MYO1A: variants seen among roughly 807,000 people sequenced by gnomAD.
MYO1A encodes unconventional myosin-Ia.
MYO1A carries 127 observed loss-of-function variants against 138.5 expected under a neutral mutation model. That is an observed-to-expected ratio of 0.92 (90% CI 0.79 to 1.06). The LOEUF (loss-of-function observed/expected upper bound fraction) is 1.06. Ranked by LOEUF, MYO1A falls within the 50% of genes least tolerant of loss-of-function variation. The pLI is 0.00. For missense variants in MYO1A, 1,211 were observed against 1,288.8 expected, an observed-to-expected ratio of 0.94 and a Z score of 0.92; for synonymous variants, 477 against 497.5, an observed-to-expected ratio of 0.96 and a Z score of 0.55.
chr12:57,038,341 GTTC>G, intron 17 of MYO1A, 68 bp downstream of exon 17: 2 of 1,519,590 alleles, frequency 1.3e-6, no homozygotes, highest in Non-Finnish European at 1.8e-6. Context: ...ACATGGACGT[GTTC>G]TACAGCGCAT....
At position 57,039,196 on chromosome 12, in the gene MYO1A, G is replaced by A; in HGVS notation, c.1332+16C>T. ...CTGGAAGGGGAAGTCCCACAGATAAGAGAATGACAACTCACATGCTCAATG... is the reference window on the plus strand; with the variant it reads ...CTGGAAGGGGAAGTCCCACAGATAAAAGAATGACAACTCACATGCTCAATG... On this transcript the variant is annotated intron_variant, in intron 15 of 27. Coordinates refer to ENST00000300119, the MANE Select transcript of MYO1A (RefSeq NM_005379.4). 1 of 1,612,750 alleles carries A rather than the reference G, an allele frequency of 6.2e-7. No homozygotes were observed. Among genetic ancestry groups the A allele is most frequent in the African/African-American group, 1.3e-5 (1 of 75,022 alleles).
chr12:57,044,049 C>G, intron 9 of MYO1A, 46 bp from the exon 10 acceptor site: 1 of 1,614,154 alleles, frequency 6.2e-7, no homozygotes, highest in Non-Finnish European at 8.5e-7. Flanking sequence ...TGGTGCCAGT[C>G]CAATGCGAAT....
At chr12:57,040,674 C>T (rs1218356890) in intron 14 of MYO1A, among the ~76,000 whole-genome samples, 1 of 152,198 alleles carries the variant, frequency 6.6e-6, no homozygotes, top group East Asian at 1.9e-4. Flanking sequence ...AGACTCTCAG[C>T]CATTCACACT....
chr12:57,030,278 T>C lies in MYO1A; in HGVS notation c.2523A>G (p.Val841=), dbSNP rs933364779. ...CACAGAGCTTTTCCCTCAGGATCTCTACCTGCTTCGGGGACAGCTGATCCC... is the reference window on the plus strand; with the variant it reads ...CACAGAGCTTTTCCCTCAGGATCTCCACCTGCTTCGGGGACAGCTGATCCC... ...RFRDQLSPKQ[V]EILREKLCAS... The change falls in exon 24 of 28, where the codon GTA becomes GTG. Residue 841 remains valine (V), a synonymous_variant. Coordinates refer to ENST00000300119, the MANE Select transcript of MYO1A (RefSeq NM_005379.4). The C allele has an allele frequency of 6.8e-6, 11 of 1,613,972 alleles. No individual in the cohort carries two copies. Among genetic ancestry groups the C allele is most frequent in the Admixed American group, 3.3e-5 (2 of 60,032 alleles).
At chr12:57,044,281 C>T (rs568884400) in intron 8 of MYO1A, 72 bp from the exon 9 acceptor site, 8 of 1,187,298 alleles carry the variant, frequency 6.7e-6, no homozygotes, top group South Asian at 3.8e-5. Context: ...TGACACCTCA[C>T]AGCCCTTGCC....
chr12:57,029,611 G>A (rs1461828930), intron 25 of MYO1A, 24 bp from the exon 26 acceptor site: 1 of 1,614,182 alleles, frequency 6.2e-7, no homozygotes, highest in Non-Finnish European at 8.5e-7. Context: ...AGGCAAGGGT[G>A]AGGAAAGGCA....
chr12:57,040,662 T>C (rs2030817272), intron 14 of MYO1A, among the ~76,000 whole-genome samples: 1 of 152,152 alleles, frequency 6.6e-6, no homozygotes, highest in Non-Finnish European at 1.5e-5. Flanking sequence ...TTTTGATGAG[T>C]GAGACTCTCA....
At chr12:57,030,665 C>T (rs572022402) in intron 23 of MYO1A, among the ~76,000 whole-genome samples, 67 of 152,232 alleles carry the variant, frequency 4.4e-4, no homozygotes, top group Admixed American at 1.7e-3. Flanking sequence ...CACAAAAGGA[C>T]AAATATGATT....
At chr12:57,035,541 A>C (rs2136440556) in intron 22 of MYO1A, among the ~76,000 whole-genome samples, 1 of 152,334 alleles carries the variant, frequency 6.6e-6, no homozygotes, top group African/African-American at 2.4e-5. Flanking sequence ...CAATCAGCGG[A>C]GGTCAATTAC....
In MYO1A at chr12:57,041,172, G is replaced by T. The variant is rs1224851209; in HGVS notation, c.1269+12C>A. 2.5e-6 allele frequency: 4 copies of T among 1,601,220 alleles called. No homozygotes were observed. The highest frequency in any genetic ancestry group is 1.7e-5 in the Admixed American group (1 of 60,016). Reference sequence around the variant, plus strand: ...TTGTTTAAGAGGGGGAAGTAGAAAAGACTTGGTTTACTTCTCTCTTATATT... The same window carrying T: ...TTGTTTAAGAGGGGGAAGTAGAAAATACTTGGTTTACTTCTCTCTTATATT... On this transcript the variant is annotated intron_variant, in intron 14 of 27. Transcript: ENST00000300119.
Position 57,038,067 on chromosome 12 carries a change from C to T in MYO1A, c.1763G>A (p.Cys588Tyr). The T allele has an allele frequency of 6.2e-7, 1 of 1,613,832 alleles. No homozygotes were observed. The highest frequency in any genetic ancestry group is 8.5e-7 in the Non-Finnish European group (1 of 1,180,042). ...LYSKSPNYIR[C>Y]IKPNEHQQRG... ...CTGCTGATGCTCATTGGGCTTTATGCACCTGGTGGGAGGTGGGGTAAGGCA... is the reference window on the plus strand; with the variant it reads ...CTGCTGATGCTCATTGGGCTTTATGTACCTGGTGGGAGGTGGGGTAAGGCA... Residue 588 changes from cysteine (C) to tyrosine (Y), a missense_variant and splice_region_variant, in exon 18 of 28, where the codon TGC becomes TAC. Cys to Tyr is a radical substitution (Grantham distance 194). Transcript: ENST00000300119.
chr12:57,049,811 G>A (rs779505327), intron 1 of MYO1A, 76 bp downstream of exon 1: 16 of 152,280 alleles, frequency 1.1e-4, no homozygotes, highest in Non-Finnish European at 2.3e-4. Flanking sequence ...GTGGGGAAGG[G>A]AAAAAGGCAA....
At position 57,047,938 on chromosome 12, in the gene MYO1A, A is replaced by C. The variant is rs1677315519; in HGVS notation, c.230+51T>G. The C allele has an allele frequency of 3.8e-6, 6 of 1,584,398 alleles. 1 individual carries two copies. The South Asian group carries it at 6.7e-5, about 18-fold the overall frequency. On this transcript the variant is annotated intron_variant, in intron 3 of 27. Coordinates refer to ENST00000300119, the MANE Select transcript of MYO1A (RefSeq NM_005379.4). Reference sequence around the variant, plus strand: ...GGGACAAAGGAAATTAGGATGACTCAGTGTCAAGAAGCTGGGGCCCTGTCA... The same window carrying C: ...GGGACAAAGGAAATTAGGATGACTCCGTGTCAAGAAGCTGGGGCCCTGTCA...
intron 8 of MYO1A, among the ~76,000 whole-genome samples, chr12:57,045,865 C>A (rs1022024210): frequency 2.0e-5 from 3 of 151,904 alleles, no homozygotes; most frequent in African/African-American, 7.3e-5. Context: ...GCTCTTATAG[C>A]CAGCTGCACA....
Position 57,037,572 on chromosome 12 carries a change from C to T in MYO1A, c.2031G>A (p.Lys677=), listed in dbSNP as rs781742978. 6 of 1,614,166 alleles carry T rather than the reference C, an allele frequency of 3.7e-6. No individual in the cohort carries two copies. In the East Asian group the frequency reaches 1.3e-4, roughly 36 times the overall value. Residue 677 remains lysine (K), a synonymous_variant, in exon 19 of 28, where the codon AAG becomes AAA. Transcript: ENST00000300119. ...SSGELAFGKT[K]IFIRSPKTLF... is the part of the protein sequence containing the mutation. ...CAGTCTTGGGGCTTCTAATGAAGAT[C>T]TTTGTCTTGCCAAAGGCCAGCTCCC...
At position 57,038,611 on chromosome 12, in the gene MYO1A, C is replaced by G. The variant is rs771557046; in HGVS notation, c.1561G>C (p.Asp521His). The change falls in exon 17 of 28, where the codon GAC (aspartate) becomes CAC (histidine). Residue 521 changes from aspartate to histidine, a missense_variant. Transcript: ENST00000300119. The stretch of plus-strand genomic sequence containing the variant: ...CGGAAGAGTAGGTCATTATTCTTGT[C>G]AATAAAGCTGGTCACGTTGTATGTC... ...KVTYNVTSFI[D>H]KNNDLLFRDL... The G allele has an allele frequency of 1.2e-6, 2 of 1,614,210 alleles. No individual in the cohort carries two copies. Among genetic ancestry groups the G allele is most frequent in the South Asian group, 1.1e-5 (1 of 91,076 alleles).
At chr12:57,035,516 C>T (rs961428946) in intron 22 of MYO1A, among the ~76,000 whole-genome samples, 5 of 152,240 alleles carry the variant, frequency 3.3e-5, no homozygotes, top group African/African-American at 1.2e-4. Flanking sequence ...AGGGTCCTAA[C>T]TATGGTCAAA....
chr12:57,038,289 TGAGGAAAG>T, intron 17 of MYO1A, 115 bp downstream of exon 17: 1 of 1,215,822 alleles, frequency 8.2e-7, no homozygotes, highest in Non-Finnish European at 1.2e-6. Flanking sequence ...CTGTTTTCTG[TGAGGAAAG>T]GACCTCTGAC....
rs774745498 is a variant in MYO1A, at chr12:57,044,002, C to T, written c.746G>A (p.Ser249Asn). 7 of 1,614,156 alleles carry T rather than the reference C, an allele frequency of 4.3e-6. No individual in the cohort carries two copies. The highest frequency in any genetic ancestry group is 3.3e-5 in the South Asian group (3 of 91,066). ...CGAGAACCCAATCACTGCCATTGCA[C>T]TCTTAGGCAGAAAGCAGAAATCAAA... ...DDASSFRAVQ[S>N]AMAVIGFSEE... is the part of the protein sequence containing the mutation. The change falls in exon 10 of 28, where the codon AGT (serine) becomes AAT (asparagine). Residue 249 changes from serine to asparagine, a missense_variant and splice_region_variant. Ser to Asn is a conservative substitution (Grantham distance 46). Transcript: ENST00000300119.
Sources: allele counts gnomAD v4.1 joint callset (sites outside exome capture counted in the v4.1 genomes callset), GRCh38; gene constraint gnomAD v4.1.1; transcripts MANE v1.5; gene names NCBI Gene and HGNC (gene_info 2026-07-23, HGNC 2026-07-21).